The following PDE3A variants were observed in gnomAD, a reference collection of about 807,000 sequenced individuals.
PDE3A encodes the protein cGMP-inhibited 3',5'-cyclic phosphodiesterase 3A.
A neutral mutation model predicts 98.3 loss-of-function variants in PDE3A; 43 were observed. The ratio of observed to expected loss-of-function variants is 0.44; its 90% CI spans 0.34 to 0.56. PDE3A has a LOEUF of 0.56. PDE3A is among the 20% of genes least tolerant of loss of function. PDE3A has a pLI of 0.01. For missense variants in PDE3A, 1,427 were observed against 1,440.7 expected (o/e 0.99, Z 0.15); for synonymous variants, 663 against 567.9 (o/e 1.17, Z -2.38).
intron 1 of PDE3A, among the ~76,000 whole-genome samples, chr12:20,469,221 A>C (rs552409446): frequency 4.6e-5 from 7 of 152,232 alleles, no homozygotes; most frequent in Non-Finnish European, 1.5e-5. Flanking sequence ...TCTTTAACAC[A>C]GAATGACTGA....
At chr12:20,482,575 T>C (rs904438266) in intron 1 of PDE3A, among the ~76,000 whole-genome samples, 6 of 152,232 alleles carry the variant, frequency 3.9e-5, no homozygotes, top group Admixed American at 2.0e-4. Flanking sequence ...AAAAGTTTTT[T>C]TCTCAATGGA....
At chr12:20,456,646 C>T (rs1317467065) in intron 1 of PDE3A, among the ~76,000 whole-genome samples, 1 of 152,082 alleles carries the variant, frequency 6.6e-6, no homozygotes, top group African/African-American at 2.4e-5. Context: ...CAAAAATTCG[C>T]TGGAAATGCA....
At chr12:20,594,887 C>T (rs571498388) in intron 2 of PDE3A, among the ~76,000 whole-genome samples, 144 of 151,964 alleles carry the variant, frequency 9.5e-4, no homozygotes, top group Non-Finnish European at 1.7e-3. Context: ...AAACTGTTCT[C>T]CTAAACTGAA....
chr12:20,526,625 A>G (rs1434658123), intron 1 of PDE3A, among the ~76,000 whole-genome samples: 1 of 152,168 alleles, frequency 6.6e-6, no homozygotes, highest in Non-Finnish European at 1.5e-5. Context: ...GGTATTTGCG[A>G]TAGAAAAGAC....
intron 1 of PDE3A, among the ~76,000 whole-genome samples, chr12:20,417,291 C>A (rs1022890095): frequency 1.3e-5 from 2 of 152,028 alleles, no homozygotes; most frequent in South Asian, 2.1e-4. Context: ...CATTCGAAGT[C>A]TTATATTAGA....
intron 1 of PDE3A, among the ~76,000 whole-genome samples, chr12:20,534,450 C>A (rs925730800): frequency 2.0e-5 from 3 of 152,062 alleles, no homozygotes; most frequent in African/African-American, 7.2e-5. Context: ...TCACAGTGAC[C>A]CCAAAGGCAA....
intron 15 of PDE3A, among the ~76,000 whole-genome samples, chr12:20,664,623 C>G (rs1945262707): frequency 6.6e-6 from 1 of 152,160 alleles, no homozygotes; most frequent in African/African-American, 2.4e-5. Context: ...TCTCCTGGTA[C>G]TGAATAAGTC....
chr12:20,573,785 A>G (rs928475617), intron 2 of PDE3A, among the ~76,000 whole-genome samples: 2 of 152,144 alleles, frequency 1.3e-5, no homozygotes, highest in Non-Finnish European at 2.9e-5. Context: ...TTAATTAGAA[A>G]CATAATCCCT....
At position 20,687,358 on chromosome 12, in the gene PDE3A, C is replaced by A. The variant is rs7978760; in HGVS notation, c.*7087C>A. ...AGTATTGCTAACTTTAATAATTCTA[C>A]CATATCTATATATTACCTGTTAGTG... On this transcript the variant is annotated 3_prime_UTR_variant, in exon 16 of 16. Transcript: ENST00000359062. Among the ~76,000 whole-genome samples the A allele has an allele frequency of 0.098, 14,914 of 151,828 alleles. 1,686 individuals carry two copies. The highest frequency in any genetic ancestry group is 0.28 in the African/African-American group (11,505 of 41,378).
intron 1 of PDE3A, chr12:20,449,698 T>G (rs2120880913): frequency 2.2e-6 from 1 of 449,936 alleles, no homozygotes; most frequent in Middle Eastern, 6.4e-4. Context: ...TACAGAAATA[T>G]TTACAGTCCT....
At chr12:20,451,562 C>G (rs902404018) in intron 1 of PDE3A, among the ~76,000 whole-genome samples, 2 of 152,184 alleles carry the variant, frequency 1.3e-5, no homozygotes, top group African/African-American at 4.8e-5. Flanking sequence ...CCGCCTCAGC[C>G]TCCCAAACTG....
intron 1 of PDE3A, among the ~76,000 whole-genome samples, chr12:20,469,134 C>T (rs533401657): frequency 1.3e-5 from 2 of 152,142 alleles, no homozygotes; most frequent in East Asian, 3.9e-4. Context: ...ACATGATTAC[C>T]ATTATTATTT....
At position 20,630,134 on chromosome 12, in the gene PDE3A, A is replaced by G. The variant is rs1478271606; in HGVS notation, c.1760+7A>G. On this transcript the variant is annotated splice_region_variant and intron_variant, in intron 6 of 15. Coordinates refer to ENST00000359062, the MANE Select transcript of PDE3A (RefSeq NM_000921.5). ...CACCTGTTATATGTAGCAGGTAAGG[A>G]TTTTTTATGAACTGAAGTTTAATAA... is the stretch of plus-strand genomic sequence containing the variant. 2 of 1,567,850 alleles carry G rather than the reference A, an allele frequency of 1.3e-6. No homozygotes were observed.
At chr12:20,651,283 G>A (rs996842507) in intron 14 of PDE3A, among the ~76,000 whole-genome samples, 2 of 152,100 alleles carry the variant, frequency 1.3e-5, no homozygotes, top group Non-Finnish European at 1.5e-5. Flanking sequence ...GAACCTTCCT[G>A]TTTGGCACTG....
At chr12:20,616,159 C>T in intron 3 of PDE3A, 71 bp from the exon 4 acceptor site, 4 of 1,346,436 alleles carry the variant, frequency 3.0e-6, no homozygotes, top group Admixed American at 2.0e-5. Context: ...AGCTTGTTTC[C>T]TTCTATTATA....
intron 2 of PDE3A, among the ~76,000 whole-genome samples, chr12:20,607,436 CAAAA>C (rs765702703): frequency 1.6e-5 from 1 of 61,442 alleles, no homozygotes; most frequent in Admixed American, 1.7e-4. Flanking sequence ...GACTCCGTCT[CAAAA>C]AAAAAAAAAA....
At chr12:20,579,393 G>A (rs10841566) in intron 2 of PDE3A, among the ~76,000 whole-genome samples, 116,683 of 151,818 alleles carry the variant, frequency 0.77, 45,119 homozygotes, top group South Asian at 0.82. Context: ...GGACCTTTCT[G>A]TTCCCTTTTT....
chr12:20,595,981 CAT>C (rs1426962658), intron 2 of PDE3A, among the ~76,000 whole-genome samples: 8 of 152,034 alleles, frequency 5.3e-5, no homozygotes, highest in Admixed American at 2.0e-4. Flanking sequence ...CAGAAAAAAA[CAT>C]ATTTTTAATC....
intron 2 of PDE3A, among the ~76,000 whole-genome samples, chr12:20,574,271 G>GT (rs1343002053): frequency 6.6e-6 from 1 of 152,024 alleles, no homozygotes; most frequent in African/African-American, 2.4e-5. Flanking sequence ...TTATAATTAA[G>GT]TTTTTCTGGA....
Sources: gnomAD v4.1 joint callset for allele counts (sites outside exome capture counted in the v4.1 genomes callset) on GRCh38, gnomAD v4.1.1 for gene constraint, MANE v1.5 for transcripts, NCBI Gene and HGNC (gene_info 2026-07-23, HGNC 2026-07-21) for gene names.